The following RANBP2 variants were observed in gnomAD, a reference collection of about 807,000 sequenced individuals.
RANBP2 encodes RAN binding protein 2, also known as E3 SUMO-protein ligase RanBP2.
A neutral mutation model predicts 303.6 loss-of-function variants in RANBP2; 57 were observed. The observed-to-expected ratio is 0.19, with a 90% CI of 0.15 to 0.23. The LOEUF is 0.23. Ranked by LOEUF, RANBP2 falls within the 10% of genes least tolerant of loss-of-function variation. RANBP2 has a pLI of 1.00. For missense variants in RANBP2, 3,138 were observed against 3,780.8 expected (o/e 0.83, Z 4.46); for synonymous variants, 1,167 against 1,301.5 (o/e 0.90, Z 2.23).
the RANBP2 span, among the ~76,000 whole-genome samples, chr2:108,797,988 T>G: frequency 6.7e-6 from 1 of 149,456 alleles, no homozygotes. Context: ...TCTCCAGTGG[T>G]ACTTAGCTGA....
At chr2:109,279,670 T>C in the RANBP2 span, among the ~76,000 whole-genome samples, 1 of 152,234 alleles carries the variant, frequency 6.6e-6, no homozygotes, top group Non-Finnish European at 1.5e-5. Context: ...CTTTTGGAAT[T>C]CTGTCATTGG....
At chr2:109,565,925 T>A in the RANBP2 span, 21 of 1,321,228 alleles carry the variant, frequency 1.6e-5, no homozygotes, top group Middle Eastern at 3.6e-4. Flanking sequence ...AAATAAATTT[T>A]ATGTGAGAGA....
At chr2:109,234,732 C>T in the RANBP2 span, among the ~76,000 whole-genome samples, 12 of 152,214 alleles carry the variant, frequency 7.9e-5, no homozygotes, top group Admixed American at 2.0e-4. Flanking sequence ...TTGGAGTCTT[C>T]TGTGTGGGAG....
chr2:109,614,021 T>G, the RANBP2 span: 7 of 1,205,044 alleles, frequency 5.8e-6, no homozygotes, highest in African/African-American at 1.1e-4. Flanking sequence ...GCGGACGCCC[T>G]GTGGTGCGCG....
At chr2:108,993,875 G>A in the RANBP2 span, among the ~76,000 whole-genome samples, 2 of 152,148 alleles carry the variant, frequency 1.3e-5, no homozygotes, top group African/African-American at 4.8e-5. Context: ...TCCCAGTTCT[G>A]GAGGCTGGGA....
chr2:109,506,688 G>A, the RANBP2 span, among the ~76,000 whole-genome samples: 1 of 152,246 alleles, frequency 6.6e-6, no homozygotes, highest in Non-Finnish European at 1.5e-5. Flanking sequence ...ATTCCAAGAA[G>A]TTCTGTTGTT....
At chr2:109,490,570 C>A in the RANBP2 span, 3 of 1,393,208 alleles carry the variant, frequency 2.2e-6, no homozygotes, top group Non-Finnish European at 2.8e-6. Flanking sequence ...GGGAAGCATT[C>A]ACCTGTTTGG....
the RANBP2 span, among the ~76,000 whole-genome samples, chr2:109,159,653 G>A: frequency 6.6e-6 from 1 of 152,210 alleles, no homozygotes; most frequent in Non-Finnish European, 1.5e-5. Context: ...ACAGCAGGAG[G>A]TGAGTGGCGG....
the RANBP2 span, among the ~76,000 whole-genome samples, chr2:109,285,499 A>G: frequency 4.6e-5 from 7 of 152,294 alleles, no homozygotes; most frequent in East Asian, 1.4e-3. Flanking sequence ...ATATATTAAC[A>G]GTGCATGCTG....
chr2:108,930,909 T>C, the RANBP2 span: 1 of 1,583,644 alleles, frequency 6.3e-7, no homozygotes, highest in African/African-American at 1.3e-5. Flanking sequence ...CAAGAAACAG[T>C]CCAACCATCA....
the RANBP2 span, chr2:108,884,537 CTTTGT>C: frequency 5.3e-5 from 8 of 152,278 alleles, no homozygotes; most frequent in East Asian, 1.4e-3. Context: ...GAGAAGAGAT[CTTTGT>C]TTTGTTTTTG....
chr2:109,585,872 A>T, the RANBP2 span: 14 of 1,539,116 alleles, frequency 9.1e-6, no homozygotes, highest in Admixed American at 1.7e-5. Context: ...CAACAGCAAT[A>T]AAAAAAACAA....
At chr2:108,857,142 G>A in the RANBP2 span, among the ~76,000 whole-genome samples, 2 of 116,110 alleles carry the variant, frequency 1.7e-5, no homozygotes, top group African/African-American at 3.3e-5. Flanking sequence ...GCAGTGGCAC[G>A]ATCTCAGCTC....
At chr2:109,721,515 G>A in the RANBP2 span, among the ~76,000 whole-genome samples, 1 of 152,266 alleles carries the variant, frequency 6.6e-6, no homozygotes, top group African/African-American at 2.4e-5. Flanking sequence ...CTCAGAAGGT[G>A]CCTTTTACTA....
At chr2:109,049,153 T>C in the RANBP2 span, among the ~76,000 whole-genome samples, 1 of 152,226 alleles carries the variant, frequency 6.6e-6, no homozygotes, top group African/African-American at 2.4e-5. Flanking sequence ...CTGTATTTTC[T>C]TGCTGAGCTA....
rs1677946852 is a variant in RANBP2, at chr2:108,777,166, G to A, written c.8534G>A (p.Ser2845Asn). The change falls in exon 25 of 29, where the codon AGC becomes AAC. Residue 2845 changes from serine to asparagine, a missense_variant. By Grantham distance (46) the Ser-to-Asn change is conservative (BLOSUM62 1). Around this residue, in one of 20 missense-constraint regions of RANBP2, gnomAD observed 497 missense variants for 465.8 expected, o/e 1.07. Coordinates refer to ENST00000283195, the MANE Select transcript of RANBP2 (RefSeq NM_006267.5). ...ATAGTTTCATTTGGATTTGGAAGTA[G>A]CACAGGGCTCTCATTTGCAGACTTG... ...SKIVSFGFGS[S>N]TGLSFADLAS... is the part of the protein sequence containing the mutation. 6.2e-7 allele frequency: 1 copy of A among 1,613,380 alleles called. No individual in the cohort carries two copies. The highest frequency in any genetic ancestry group is 8.5e-7 in the Non-Finnish European group (1 of 1,179,576).
the RANBP2 span, among the ~76,000 whole-genome samples, chr2:109,599,284 CCTCT>C: frequency 6.6e-6 from 1 of 151,880 alleles, no homozygotes; most frequent in East Asian, 1.9e-4. Context: ...ATGGTGAAAC[CCTCT>C]CTCTACTAAA....
At chr2:109,371,901 T>C in the RANBP2 span, among the ~76,000 whole-genome samples, 1 of 152,230 alleles carries the variant, frequency 6.6e-6, no homozygotes, top group Non-Finnish European at 1.5e-5. Context: ...GTCCCAGGCC[T>C]GGCTGCAAGT....
the RANBP2 span, among the ~76,000 whole-genome samples, chr2:108,808,655 CTTTG>C: frequency 6.6e-6 from 1 of 152,030 alleles, no homozygotes; most frequent in Non-Finnish European, 1.5e-5. Flanking sequence ...GTTTGTATGC[CTTTG>C]TTTGAGAAAT....
Sources: gnomAD v4.1 joint callset for allele counts (sites outside exome capture counted in the v4.1 genomes callset) on GRCh38, gnomAD v4.1.1 for gene constraint, gnomAD v4.1.1 regional missense constraint, MANE v1.5 for transcripts, NCBI Gene and HGNC (gene_info 2026-07-23, HGNC 2026-07-21) for gene names.